The following NSD3 variants were observed in gnomAD, a reference collection of about 807,000 sequenced individuals.
NSD3 encodes the protein histone-lysine N-methyltransferase NSD3.
Under a neutral mutation model 160.8 loss-of-function variants are expected in NSD3, and 24 were observed. That is an observed-to-expected ratio of 0.15 (90% CI 0.11 to 0.21). The LOEUF is 0.21. Ranked by LOEUF, NSD3 falls within the 10% of genes least tolerant of loss-of-function variation. The probability of loss-of-function intolerance (pLI) is 1.00; values close to 1 mark genes in which losing one functional copy is unlikely to be tolerated. For synonymous variants in NSD3, 520 were observed against 600.0 expected, an observed-to-expected ratio of 0.87 and a Z score of 1.95; for missense variants, 1,157 against 1,735.9, an observed-to-expected ratio of 0.67 and a Z score of 5.93.
chr8:38,299,222 T>C (rs77561982), intron 15 of NSD3, among the ~76,000 whole-genome samples: 4,292 of 152,272 alleles, frequency 0.028, 90 homozygotes, highest in Non-Finnish European at 0.045. Flanking sequence ...TGTGTAAAAA[T>C]TTATTCAAGG....
At chr8:38,360,856 T>G (rs146425307) in intron 1 of NSD3, among the ~76,000 whole-genome samples, 20 of 152,336 alleles carry the variant, frequency 1.3e-4, no homozygotes, top group African/African-American at 4.3e-4. Context: ...TTTGTATAAT[T>G]ACTAACAACA....
intron 1 of NSD3, among the ~76,000 whole-genome samples, chr8:38,370,723 G>A (rs116784230): frequency 0.021 from 3,135 of 152,132 alleles, 51 homozygotes; most frequent in Middle Eastern, 0.11. Flanking sequence ...AATTGATTGT[G>A]GTGATGGTTA....
rs190860797 is a variant in NSD3 at position 38,362,050 on chromosome 8, T to C, written c.-44-13835A>G. 4.7e-3 allele frequency among the ~76,000 whole-genome samples: 713 copies of C among 152,004 alleles called. 3 individuals carry two copies. The highest frequency in any genetic ancestry group is 7.2e-3 in the Non-Finnish European group (489 of 67,982). On this transcript the variant is annotated intron_variant, in intron 1 of 23. Coordinates refer to ENST00000317025, the MANE Select transcript of NSD3 (RefSeq NM_023034.2). ...TTTAGAAGGGCTTTTCTTCATATGT[T>C]GCAAAACCAAATTATAAGTATTTAA...
Position 38,367,986 on chromosome 8 carries a change from CT to C in NSD3, c.-45+13812del, listed in dbSNP as rs746156486. ...TTAAACTATTAATAAAGCAAAATATCTTTTTTTTTTGAGACAGAGATTTGCT... is the reference window on the plus strand; with the variant it reads ...TTAAACTATTAATAAAGCAAAATATCTTTTTTTTTGAGACAGAGATTTGCT... On this transcript the variant is annotated intron_variant, in intron 1 of 23. Coordinates refer to ENST00000317025, the MANE Select transcript of NSD3 (RefSeq NM_023034.2). Among the ~76,000 whole-genome samples, 46 of 149,382 alleles carry C rather than the reference CT, an allele frequency of 3.1e-4. No individual in the cohort carries two copies. In the South Asian group the frequency reaches 4.3e-3, roughly 14 times the overall value.
chr8:38,368,870 T>G (rs1338409432), intron 1 of NSD3, among the ~76,000 whole-genome samples: 1 of 152,214 alleles, frequency 6.6e-6, no homozygotes, highest in African/African-American at 2.4e-5. Flanking sequence ...CACTATGAAA[T>G]CTAGTAAACT....
intron 12 of NSD3, among the ~76,000 whole-genome samples, chr8:38,307,865 G>T (rs1003465500): frequency 6.6e-6 from 1 of 152,132 alleles, no homozygotes; most frequent in Non-Finnish European, 1.5e-5. Context: ...TTTTACTTGT[G>T]TAATTAGAAA....
chr8:38,314,607 C>T, intron 12 of NSD3, 40 bp downstream of exon 12: 1 of 1,612,592 alleles, frequency 6.2e-7, no homozygotes, highest in African/African-American at 1.3e-5. Flanking sequence ...TGGCACAATC[C>T]CATTCATCTT....
chr8:38,279,470 C>T (rs1808683965), intron 21 of NSD3, 70 bp downstream of exon 21: 1 of 1,522,816 alleles, frequency 6.6e-7, no homozygotes. Context: ...CTTGAAGAAC[C>T]ATGTCCTAGC....
chr8:38,314,037 C>G (rs1010177795), intron 12 of NSD3, among the ~76,000 whole-genome samples: 1 of 152,052 alleles, frequency 6.6e-6, no homozygotes, highest in Non-Finnish European at 1.5e-5. Flanking sequence ...GAAGCACCAC[C>G]ATGTCATCTC....
Position 38,289,471 on chromosome 8 carries a change from C to G in NSD3, c.3153G>C (p.Leu1051Phe). 6.2e-7 allele frequency: 1 copy of G among 1,613,556 alleles called. No individual in the cohort carries two copies. Among genetic ancestry groups the G allele is most frequent in the South Asian group, 1.1e-5 (1 of 91,016 alleles). ...CTTCTTTACTTTCTCTTTGTGCTTTCAATTCCTGGAAACGTTTTGCAGCTT... is the reference window on the plus strand; with the variant it reads ...CTTCTTTACTTTCTCTTTGTGCTTTGAATTCCTGGAAACGTTTTGCAGCTT... The part of the protein sequence containing the change: ...LEEAAKRFQE[L>F]KAQRESKEAL... The change falls in exon 18 of 24, where the codon TTG becomes TTC. Residue 1051 changes from leucine (L) to phenylalanine (F), a missense_variant. Around this residue, in one of 10 missense-constraint regions of NSD3, gnomAD observed 437 missense variants for 576.6 expected, o/e 0.76. Transcript: ENST00000317025.
rs2130979402 is a variant in NSD3, at chr8:38,276,366, G to T, written c.4002C>A (p.Val1334=). 6.2e-7 allele frequency: 1 copy of T among 1,614,192 alleles called. No individual in the cohort carries two copies. The highest frequency in any genetic ancestry group is 1.1e-5 in the South Asian group (1 of 91,076). ...TGGGACAGTCTTTTTTGTCACACATGACCAGCTCTCCACCATCTCCACATT... is the reference window on the plus strand; with the variant it reads ...TGGGACAGTCTTTTTTGTCACACATTACCAGCTCTCCACCATCTCCACATT... ...CFQCGDGGEL[V]MCDKKDCPKA... Residue 1334 remains valine (V), a synonymous_variant, in exon 23 of 24, where the codon GTC becomes GTA. Transcript: ENST00000317025.
rs1465910156 is a variant in NSD3, at chr8:38,326,944, T to A, written c.1582-88A>T. Reference sequence around the variant, plus strand: ...GGCTTATAAAGATGGCTTAAAATGATCATAATTTGCTTAAATTTTATATGG... The same window carrying A: ...GGCTTATAAAGATGGCTTAAAATGAACATAATTTGCTTAAATTTTATATGG... On this transcript the variant is annotated intron_variant, in intron 6 of 23. Coordinates refer to ENST00000317025, the MANE Select transcript of NSD3 (RefSeq NM_023034.2). The A allele has an allele frequency of 1.5e-5, 21 of 1,429,848 alleles. No homozygotes were observed. In the East Asian group the frequency reaches 5.1e-4, roughly 35 times the overall value. The allele number at this position is 1,429,848 out of a possible 1,614,324, so 88.6% of individuals were successfully genotyped here.
intron 16 of NSD3, among the ~76,000 whole-genome samples, chr8:38,291,288 T>C (rs1051338673): frequency 7.2e-5 from 11 of 152,168 alleles, no homozygotes; most frequent in Admixed American, 2.6e-4. Context: ...GCTATGATAA[T>C]TGAATACTAC....
intron 1 of NSD3, among the ~76,000 whole-genome samples, chr8:38,356,005 C>A (rs905063295): frequency 2.0e-5 from 3 of 152,196 alleles, no homozygotes. Context: ...TTCCCACAAT[C>A]CCTAAATATG....
intron 1 of NSD3, among the ~76,000 whole-genome samples, chr8:38,381,306 T>C (rs1488660497): frequency 6.6e-6 from 1 of 151,908 alleles, no homozygotes; most frequent in African/African-American, 2.4e-5. Flanking sequence ...CCATTCCTCA[T>C]TTCTCCCTTC....
rs767186503 is a variant in NSD3 at position 38,334,769 on chromosome 8, CA to C, written c.910+2535del. On this transcript the variant is annotated intron_variant, in intron 4 of 23. Transcript: ENST00000317025. ...TCCATCTCAAAAACAAACAAACAAA[CA>C]AAAAAAACAGGTGAATTTTATGATA... is the stretch of plus-strand genomic sequence containing the variant. 3.9e-4 allele frequency among the ~76,000 whole-genome samples: 56 copies of C among 144,560 alleles called. 1 individual carries two copies. Among genetic ancestry groups the C allele is most frequent in the Non-Finnish European group, 3.2e-4 (21 of 65,922 alleles). 94.8% of individuals were successfully genotyped at this position (144,560 alleles called of 152,430 possible). A position where few individuals can be genotyped will look rare whatever the true frequency, so the allele number is the denominator to read the frequency against.
At chr8:38,276,094 C>T (rs1488934) in intron 23 of NSD3, among the ~76,000 whole-genome samples, 32,787 of 152,134 alleles carry the variant, frequency 0.22, 3,738 homozygotes, top group East Asian at 0.3. Flanking sequence ...TACCCACCTA[C>T]GGGAACAGTA....
Position 38,316,389 on chromosome 8 carries a change from G to C in NSD3, c.1856-347C>G. On this transcript the variant is annotated intron_variant, in intron 9 of 23. Coordinates refer to ENST00000317025, the MANE Select transcript of NSD3 (RefSeq NM_023034.2). The surrounding 1 kb of genome is among the most constrained non-coding windows in gnomAD (Gnocchi z 4.5). ...TTCAAAGAACCATTCAATTTGGAGG[G>C]GGAAGACATAAAACCCAACACACTG... The C allele has an allele frequency of 9.2e-7, 1 of 1,082,930 alleles. No homozygotes were observed. Among genetic ancestry groups the C allele is most frequent in the Non-Finnish European group, 1.1e-6 (1 of 889,164 alleles). 67.1% of individuals were successfully genotyped at this position (1,082,930 alleles called of 1,614,324 possible).
intron 1 of NSD3, among the ~76,000 whole-genome samples, chr8:38,350,144 A>G (rs958130019): frequency 9.9e-5 from 15 of 152,118 alleles, no homozygotes; most frequent in Admixed American, 3.9e-4. Flanking sequence ...CGCGATAAAC[A>G]TATGTGTGCG....
Sources: gnomAD v4.1 joint callset for allele counts (sites outside exome capture counted in the v4.1 genomes callset) on GRCh38, gnomAD v4.1.1 for gene constraint, gnomAD v4.1.1 regional missense constraint, Gnocchi (gnomAD v3.1) non-coding constraint, MANE v1.5 for transcripts, NCBI Gene and HGNC (gene_info 2026-07-23, HGNC 2026-07-21) for gene names.